Variants in TONSL observed in about 807,000 individuals in gnomAD.
TONSL encodes tonsoku-like protein.
A neutral mutation model predicts 147.1 loss-of-function variants in TONSL; 112 were observed. The ratio of observed to expected loss-of-function variants is 0.76; its 90% CI spans 0.65 to 0.89. The LOEUF is 0.89. Ranked by LOEUF, TONSL falls within the 40% of genes least tolerant of loss-of-function variation. The probability of loss-of-function intolerance (pLI) is 0.00; values close to 1 mark genes in which losing one functional copy is unlikely to be tolerated. For missense variants in TONSL, 1,883 were observed against 1,864.6 expected (o/e 1.01, Z -0.18); for synonymous variants, 868 against 801.5 (o/e 1.08, Z -1.40).
intron 11 of TONSL, 72 bp from the exon 12 acceptor site, chr8:144,438,807 A>G (rs749281649): frequency 6.7e-6 from 10 of 1,498,620 alleles, no homozygotes; most frequent in Non-Finnish European, 9.1e-6. Context: ...CCCTGCTGCA[A>G]GCTCCCCAAA....
rs1823167837 is a variant in TONSL at position 144,431,070 on chromosome 8, G to A, written c.3809+8C>T. The A allele has an allele frequency of 2.5e-6, 4 of 1,614,068 alleles. No individual in the cohort carries two copies. The African/African-American group carries it at 4.0e-5, about 16-fold the overall frequency. On this transcript the variant is annotated splice_region_variant and intron_variant, in intron 24 of 25. Transcript: ENST00000409379. ...CCAGGTCAGCAGGCAGCAGGGAAAG[G>A]GCGTTACCTGCACAGGTCTCTAACA... is the stretch of plus-strand genomic sequence containing the variant.
At position 144,436,327 on chromosome 8, in the gene TONSL, G is replaced by A. The variant is rs780557538; in HGVS notation, c.2106C>T (p.Pro702=). ...SPPLSPCPEP[P]SNSTRLPEAS... Reference sequence around the variant, plus strand: ...CCTCTGGGAGTCTAGTGCTATTAGAGGGGGGTTCTGGGCAGGGGCTCAAAG... The same window carrying A: ...CCTCTGGGAGTCTAGTGCTATTAGAAGGGGGTTCTGGGCAGGGGCTCAAAG... The change falls in exon 17 of 26, where the codon CCC becomes CCT. Residue 702 remains proline, a synonymous_variant. Transcript: ENST00000409379. The A allele has an allele frequency of 5.3e-6, 8 of 1,502,082 alleles. No homozygotes were observed. The highest frequency in any genetic ancestry group is 4.4e-6 in the Non-Finnish European group (5 of 1,132,442). The allele number at this position is 1,502,082 out of a possible 1,614,324, so 93.0% of individuals were successfully genotyped here.
At position 144,442,128 on chromosome 8, in the gene TONSL, A is replaced by G; in HGVS notation, c.774T>C (p.Phe258=). The change falls in exon 7 of 26, where the codon TTT becomes TTC. Residue 258 remains phenylalanine, a synonymous_variant. Transcript: ENST00000409379. ...IAQVLQDLGD[F]LAAKRALKKA... ...TCTTCAGGGCTCGCTTGGCAGCCAA[A>G]AAGTCTCCCAGGTCTTGGAGGACCT... The G allele has an allele frequency of 1.2e-6, 2 of 1,612,546 alleles. No individual in the cohort carries two copies. Among genetic ancestry groups the G allele is most frequent in the Admixed American group, 1.7e-5 (1 of 59,984 alleles).
Position 144,429,134 on chromosome 8 carries a change from G to C in TONSL, c.*9C>G. On this transcript the variant is annotated 3_prime_UTR_variant, in exon 26 of 26. Transcript: ENST00000409379. ...GCTTCGGTGAGGGTGGGGAAAGGCA[G>C]CGCCAGGGTCAGAGGCGCCGAAAGA... The C allele has an allele frequency of 6.6e-7, 1 of 1,517,016 alleles. No individual in the cohort carries two copies. The highest frequency in any genetic ancestry group is 8.8e-7 in the Non-Finnish European group (1 of 1,137,750). The allele number at this position is 1,517,016 out of a possible 1,614,324, so 94.0% of individuals were successfully genotyped here.
At chr8:144,433,387 T>C (rs1358303224) in intron 22 of TONSL, 3 of 576,288 alleles carry the variant, frequency 5.2e-6, no homozygotes, top group Non-Finnish European at 9.0e-6. Flanking sequence ...AGACGCTTTT[T>C]TCTTAAGGGA....
intron 22 of TONSL, 35 bp from the exon 23 acceptor site, chr8:144,432,495 G>A: frequency 6.6e-7 from 1 of 1,515,152 alleles, no homozygotes; most frequent in East Asian, 2.3e-5. Flanking sequence ...GCCCCACGTG[G>A]CCACAGCCCT....
At chr8:144,433,801 A>C in intron 21 of TONSL, 42 bp from the exon 22 acceptor site, 2 of 1,527,314 alleles carry the variant, frequency 1.3e-6, no homozygotes, top group Admixed American at 4.1e-5. Context: ...CAGCAGTCCC[A>C]CGGACAGGGT....
intron 3 of TONSL, 165 bp from the exon 4 acceptor site, chr8:144,443,486 GCT>G: frequency 1.5e-6 from 1 of 686,350 alleles, no homozygotes; most frequent in Non-Finnish European, 2.4e-6. Flanking sequence ...CATGCCAAGG[GCT>G]CTCTGTGGTG....
intron 4 of TONSL, 93 bp from the exon 5 acceptor site, chr8:144,442,899 T>G: frequency 2.2e-5 from 33 of 1,469,404 alleles, no homozygotes; most frequent in Non-Finnish European, 2.7e-5. Context: ...GCGCCTCTCC[T>G]ACCCCCTCCC....
chr8:144,442,034 C>A lies in TONSL; in HGVS notation c.865+3G>T, dbSNP rs1356180328. On this transcript the variant is annotated splice_donor_region_variant and intron_variant, in intron 7 of 25. Coordinates refer to ENST00000409379, the MANE Select transcript of TONSL (RefSeq NM_013432.5). ...AGGGCCCCATTCGCACCCCCAGGCT[C>A]ACCATGCTGGAGGTTCTGACAGATG... 6.2e-7 allele frequency: 1 copy of A among 1,612,022 alleles called. No homozygotes were observed. The highest frequency in any genetic ancestry group is 8.5e-7 in the Non-Finnish European group (1 of 1,179,538).
intron 3 of TONSL, 28 bp downstream of exon 3, chr8:144,443,854 T>C: frequency 1.3e-6 from 2 of 1,542,356 alleles, no homozygotes; most frequent in Non-Finnish European, 1.7e-6. Flanking sequence ...CCGACCGGGC[T>C]GGACGAGGCC....
Position 144,441,757 on chromosome 8 carries a change from A to G in TONSL, c.865+280T>C, listed in dbSNP as rs139189276. 3.2e-3 allele frequency: 1,290 copies of G among 398,638 alleles called. 4 individuals carry two copies. The highest frequency in any genetic ancestry group is 5.2e-3 in the Middle Eastern group (7 of 1,356). The allele number at this position is 398,638 out of a possible 1,614,324, so 24.7% of individuals were successfully genotyped here. On this transcript the variant is annotated intron_variant, in intron 7 of 25. Transcript: ENST00000409379. ...TACAACTACTGTCTCCAGTTTGCCA[A>G]TGAAGATGGTGGCTGCGAAATAAAA...
intron 7 of TONSL, 92 bp from the exon 8 acceptor site, chr8:144,441,203 C>G: frequency 6.6e-7 from 1 of 1,506,812 alleles, no homozygotes; most frequent in Non-Finnish European, 8.9e-7. Context: ...GGTGGCCCCC[C>G]CACTCTCTCC....
chr8:144,439,392 C>T (rs1228959593), intron 11 of TONSL, among the ~76,000 whole-genome samples: 1 of 152,204 alleles, frequency 6.6e-6, no homozygotes, highest in East Asian at 1.9e-4. Flanking sequence ...CAACTTCCCA[C>T]AGCTGCCTGG....
chr8:144,444,317 CG>C, intron 1 of TONSL, 42 bp from the exon 2 acceptor site: 5 of 1,333,120 alleles, frequency 3.8e-6, no homozygotes, highest in Non-Finnish European at 3.9e-6. Context: ...CGGCGGGGTC[CG>C]GGGCCGGGGC....
chr8:144,443,049 G>C, intron 4 of TONSL, 89 bp downstream of exon 4: 1 of 1,438,178 alleles, frequency 7.0e-7, no homozygotes, highest in Admixed American at 2.2e-5. Flanking sequence ...CCAGAAGACG[G>C]GATTGCCCAA....
intron 11 of TONSL, among the ~76,000 whole-genome samples, chr8:144,438,949 C>A (rs1044472289): frequency 6.6e-6 from 1 of 152,144 alleles, no homozygotes; most frequent in African/African-American, 2.4e-5. Context: ...CTCCTGCCCA[C>A]CATCCCTCTG....
chr8:144,442,694 C>G lies in TONSL; in HGVS notation c.561G>C (p.Lys187Asn), dbSNP rs753489114. Residue 187 changes from lysine (K) to asparagine (N), a missense_variant, in exon 5 of 26, where the codon AAG (lysine) becomes AAC (asparagine). Transcript: ENST00000409379. ...QTALCNDYFR[K>N]SIFLAEQNHL... The stretch of plus-strand genomic sequence containing the variant: ...GGCCTTACTCCGCAAGGAAGATGCT[C>G]TTCCTGAAGTAATCGTTGCACAGGG... 7 of 1,612,840 alleles carry G rather than the reference C, an allele frequency of 4.3e-6. No homozygotes were observed. The Admixed American group carries it at 1.2e-4, about 27-fold the overall frequency.
At position 144,433,602 on chromosome 8, in the gene TONSL, C is replaced by A; in HGVS notation, c.3545G>T (p.Gly1182Val). 1 of 1,613,474 alleles carries A rather than the reference C, an allele frequency of 6.2e-7. No individual in the cohort carries two copies. The highest frequency in any genetic ancestry group is 8.5e-7 in the Non-Finnish European group (1 of 1,179,952). ...GGTCAGCTCACCTTGGAAAGCACTACCCAGTGCTGTCTGGTGGCTCAGAAA... is the reference window on the plus strand; with the variant it reads ...GGTCAGCTCACCTTGGAAAGCACTAACCAGTGCTGTCTGGTGGCTCAGAAA... ...SFFLSHQTALGSAFQDAEHLK... is the reference protein window; with the variant it reads ...SFFLSHQTALVSAFQDAEHLK... Residue 1182 changes from glycine (G) to valine (V), a missense_variant, in exon 22 of 26, where the codon GGT (glycine) becomes GTT (valine). Coordinates refer to ENST00000409379, the MANE Select transcript of TONSL (RefSeq NM_013432.5).
Sources: gnomAD v4.1 joint callset for allele counts (sites outside exome capture counted in the v4.1 genomes callset) on GRCh38, gnomAD v4.1.1 for gene constraint, MANE v1.5 for transcripts, NCBI Gene and HGNC (gene_info 2026-07-23, HGNC 2026-07-21) for gene names.